The following CNTNAP5 variants were observed in gnomAD, a reference collection of about 807,000 sequenced individuals.
CNTNAP5 encodes the protein contactin-associated protein-like 5.
In CNTNAP5, 72 loss-of-function variants were observed where a neutral mutation model predicts 150.2. The ratio of observed to expected loss-of-function variants is 0.48; its 90% confidence interval spans 0.40 to 0.58. The LOEUF (loss-of-function observed/expected upper bound fraction) is 0.58, where lower values mean the gene tolerates loss of function less well. CNTNAP5 is among the 20% of genes least tolerant of loss of function. The pLI is 0.00. For missense variants in CNTNAP5, 1,636 were observed against 1,626.2 expected (o/e 1.01, Z -0.10); for synonymous variants, 672 against 619.8 (o/e 1.08, Z -1.25).
At chr2:124,274,782 G>A (rs1340259926) in intron 3 of CNTNAP5, among the ~76,000 whole-genome samples, 2 of 152,106 alleles carry the variant, frequency 1.3e-5, no homozygotes, top group African/African-American at 4.8e-5. Context: ...CTCCAGTGTT[G>A]CTGGTTTGGG....
chr2:124,622,487 G>A (rs12477079), intron 12 of CNTNAP5, among the ~76,000 whole-genome samples: 12,625 of 152,044 alleles, frequency 0.083, 695 homozygotes, highest in Non-Finnish European at 0.11. Context: ...TATATAACCG[G>A]TAACAGGATT....
intron 19 of CNTNAP5, among the ~76,000 whole-genome samples, chr2:124,861,840 A>G (rs898205598): frequency 6.6e-6 from 1 of 152,074 alleles, no homozygotes; most frequent in Non-Finnish European, 1.5e-5. Flanking sequence ...TTGAGACAGA[A>G]TCTTGCTCTA....
intron 3 of CNTNAP5, among the ~76,000 whole-genome samples, chr2:124,333,198 A>C (rs1038481710): frequency 6.6e-6 from 1 of 152,064 alleles, no homozygotes; most frequent in Non-Finnish European, 1.5e-5. Context: ...AGCCTTGGGA[A>C]GTTGAAGCTA....
intron 3 of CNTNAP5, among the ~76,000 whole-genome samples, chr2:124,380,819 T>C (rs139702675): frequency 1.3e-3 from 191 of 152,260 alleles, no homozygotes; most frequent in African/African-American, 4.4e-3. Flanking sequence ...GCCTGTGCCT[T>C]CAGAAAATTT....
At chr2:124,806,544 T>C (rs1294431468) in intron 19 of CNTNAP5, among the ~76,000 whole-genome samples, 2 of 152,140 alleles carry the variant, frequency 1.3e-5, no homozygotes, top group Non-Finnish European at 2.9e-5. Flanking sequence ...CTGGGTCTTC[T>C]CACTTTGTAC....
intron 1 of CNTNAP5, among the ~76,000 whole-genome samples, chr2:124,048,391 T>C (rs941019971): frequency 6.6e-6 from 1 of 152,236 alleles, no homozygotes; most frequent in African/African-American, 2.4e-5. Context: ...TGCCATTTAA[T>C]GGTTGCTCTT....
At position 124,056,444 on chromosome 2, in the gene CNTNAP5, G is replaced by C. The variant is rs1290795545; in HGVS notation, c.82+30712G>C. 4.7e-5 allele frequency among the ~76,000 whole-genome samples: 7 copies of C among 150,202 alleles called. No individual in the cohort carries two copies. The East Asian group carries it at 1.4e-3, about 30-fold the overall frequency. Reference sequence around the variant, plus strand: ...TCCAGAACATCCTGCCTAACACGGTGAAACCCCGTCTATACTAAAAATACA... The same window carrying C: ...TCCAGAACATCCTGCCTAACACGGTCAAACCCCGTCTATACTAAAAATACA... On this transcript the variant is annotated intron_variant, in intron 1 of 23. Coordinates refer to ENST00000682447, the MANE Select transcript of CNTNAP5 (RefSeq NM_001367498.1).
chr2:124,288,744 T>C (rs1318744492), intron 3 of CNTNAP5, among the ~76,000 whole-genome samples: 1 of 152,198 alleles, frequency 6.6e-6, no homozygotes, highest in Non-Finnish European at 1.5e-5. Flanking sequence ...TGAAAGTCAT[T>C]TATTTATTCC....
intron 1 of CNTNAP5, among the ~76,000 whole-genome samples, chr2:124,140,827 G>A (rs1684104956): frequency 1.2e-5 from 1 of 80,806 alleles, no homozygotes; most frequent in African/African-American, 3.9e-5. Context: ...GGCTTCAGAC[G>A]ATCAAATTAC....
At chr2:124,530,006 A>G (rs1440370102) in intron 10 of CNTNAP5, among the ~76,000 whole-genome samples, 2 of 152,160 alleles carry the variant, frequency 1.3e-5, no homozygotes, top group African/African-American at 2.4e-5. Context: ...AAAATCAGAT[A>G]TAAGACATCT....
intron 10 of CNTNAP5, among the ~76,000 whole-genome samples, chr2:124,549,297 G>A (rs747577360): frequency 2.0e-5 from 3 of 152,080 alleles, no homozygotes; most frequent in Non-Finnish European, 1.5e-5. Flanking sequence ...TAGAGGAGCC[G>A]GGATAATAAG....
At chr2:124,387,510 A>C (rs1015478233) in intron 3 of CNTNAP5, among the ~76,000 whole-genome samples, 1 of 152,284 alleles carries the variant, frequency 6.6e-6, no homozygotes, top group East Asian at 1.9e-4. Flanking sequence ...GTTTTGGGTT[A>C]GGCGGTGAAG....
chr2:124,887,330 A>G (rs1256936187), intron 21 of CNTNAP5, among the ~76,000 whole-genome samples: 1 of 152,044 alleles, frequency 6.6e-6, no homozygotes, highest in Non-Finnish European at 1.5e-5. Context: ...TCTTCTGATT[A>G]GTAATGCATC....
chr2:124,811,515 A>G (rs958340589), intron 19 of CNTNAP5, among the ~76,000 whole-genome samples: 1 of 152,206 alleles, frequency 6.6e-6, no homozygotes, highest in Non-Finnish European at 1.5e-5. Flanking sequence ...AAATATCTAA[A>G]GGATATTGGC....
chr2:124,559,522 T>C (rs1005286025), intron 10 of CNTNAP5, among the ~76,000 whole-genome samples: 2 of 152,246 alleles, frequency 1.3e-5, no homozygotes, highest in African/African-American at 2.4e-5. Context: ...CAGTTATAGA[T>C]GCAATATCGT....
chr2:124,758,351 T>G (rs528775750), intron 14 of CNTNAP5, among the ~76,000 whole-genome samples: 4 of 152,218 alleles, frequency 2.6e-5, no homozygotes, highest in Non-Finnish European at 4.4e-5. Flanking sequence ...TGAAGGAGGT[T>G]GAACATCTTA....
Position 124,504,437 on chromosome 2 carries a change from G to C in CNTNAP5, c.1208G>C (p.Gly403Ala). 1.2e-6 allele frequency: 2 copies of C among 1,613,882 alleles called. No homozygotes were observed. Among genetic ancestry groups the C allele is most frequent in the Non-Finnish European group, 1.7e-6 (2 of 1,179,850 alleles). ...CAGTTTCGAACATGGAACAAGGATG[G>C]TCTGCTTCTGTCCACAGAGCTGTCT... is the stretch of plus-strand genomic sequence containing the variant. ...SFQFRTWNKD[G>A]LLLSTELSEG... Residue 403 changes from glycine to alanine, a missense_variant, in exon 8 of 24, where the codon GGT becomes GCT. Gly to Ala is a moderately conservative substitution (Grantham distance 60). Coordinates refer to ENST00000682447, the MANE Select transcript of CNTNAP5 (RefSeq NM_001367498.1).
At chr2:124,829,751 G>C (rs1020307153) in intron 19 of CNTNAP5, among the ~76,000 whole-genome samples, 3 of 151,608 alleles carry the variant, frequency 2.0e-5, no homozygotes, top group African/African-American at 7.3e-5. Flanking sequence ...TGTTTTTAGA[G>C]AATACTTCAA....
intron 12 of CNTNAP5, among the ~76,000 whole-genome samples, chr2:124,645,174 G>A (rs1678177878): frequency 6.6e-6 from 1 of 152,128 alleles, no homozygotes; most frequent in Non-Finnish European, 1.5e-5. Flanking sequence ...CATTTTAAAA[G>A]TTCTGGGTTA....
Sources: gnomAD v4.1 joint callset for allele counts (sites outside exome capture counted in the v4.1 genomes callset) on GRCh38, gnomAD v4.1.1 for gene constraint, MANE v1.5 for transcripts, NCBI Gene and HGNC (gene_info 2026-07-23, HGNC 2026-07-21) for gene names.